Variants in SVOP observed in about 807,000 individuals in gnomAD.
SVOP encodes synaptic vesicle 2-related protein.
Under a neutral mutation model 69.1 loss-of-function variants are expected in SVOP, and 17 were observed. The observed-to-expected ratio is 0.25, with a 90% CI of 0.17 to 0.37. The LOEUF (loss-of-function observed/expected upper bound fraction) is 0.37. Among genes scored for constraint, SVOP ranks in the 10% least tolerant of loss-of-function variants. The probability of loss-of-function intolerance (pLI) is 1.00; values close to 1 mark genes in which losing one functional copy is unlikely to be tolerated. For missense variants in SVOP, 435 were observed against 597.5 expected (o/e 0.73, Z 2.84); for synonymous variants, 238 against 238.6 (o/e 1.00, Z 0.02).
intron 12 of SVOP, 118 bp downstream of exon 12, chr12:108,922,572 T>A: frequency 1.4e-6 from 1 of 716,626 alleles, no homozygotes. Flanking sequence ...AAAAACAAAG[T>A]CCCTCGCTGA....
In SVOP at chr12:108,951,181, T is replaced by C. The variant is rs148253687; in HGVS notation, c.579-6015A>G. 5.6e-3 allele frequency among the ~76,000 whole-genome samples: 856 copies of C among 152,320 alleles called. 12 individuals carry two copies. Among genetic ancestry groups the C allele is most frequent in the African/African-American group, 0.019 (809 of 41,576 alleles). On this transcript the variant is annotated intron_variant, in intron 6 of 15. Transcript: ENST00000610966. ...TTTGAAGATCATTCTGAGGCAGGTT[T>C]CAAGGTAGAACAGCTGGGCAGCTAC...
chr12:109,013,912 C>T (rs1423302457), intron 1 of SVOP, among the ~76,000 whole-genome samples: 2 of 152,090 alleles, frequency 1.3e-5, no homozygotes, highest in East Asian at 1.9e-4. Context: ...CTGCTCTAGG[C>T]ACCTCATATA....
intron 5 of SVOP, among the ~76,000 whole-genome samples, chr12:108,969,728 T>TTCC (rs1555251578): frequency 3.3e-5 from 5 of 151,582 alleles, no homozygotes; most frequent in African/African-American, 7.3e-5. Flanking sequence ...CCTTCCTTCC[T>TTCC]TCCTTCCTCT....
At chr12:108,923,581 T>C (rs1016082314) in intron 11 of SVOP, among the ~76,000 whole-genome samples, 5 of 152,008 alleles carry the variant, frequency 3.3e-5, no homozygotes, top group Admixed American at 3.3e-4. Flanking sequence ...CTAAGTTGTG[T>C]CCAGACTCCT....
intron 1 of SVOP, among the ~76,000 whole-genome samples, chr12:108,989,255 G>A (rs538970261): frequency 1.3e-4 from 20 of 152,210 alleles, no homozygotes; most frequent in African/African-American, 3.9e-4. Flanking sequence ...AGTTTGTTTC[G>A]TAGAGACAGG....
intron 14 of SVOP, 138 bp from the exon 15 acceptor site, chr12:108,916,010 G>T: frequency 1.3e-6 from 1 of 766,538 alleles, no homozygotes. Context: ...CGCCCTTAAG[G>T]GACAGGGATC....
rs987235827 is a variant in SVOP at position 108,965,067 on chromosome 12, T to C, written c.454-4020A>G. ...TATTCATCCATTCATGCATAAAATA[T>C]GCATATATTGAACACCTGCTGTTTG... On this transcript the variant is annotated intron_variant, in intron 5 of 15. Coordinates refer to ENST00000610966, the MANE Select transcript of SVOP (RefSeq NM_018711.5). 3.9e-5 allele frequency among the ~76,000 whole-genome samples: 6 copies of C among 152,338 alleles called. No homozygotes were observed. In the South Asian group the frequency reaches 1.0e-3, roughly 26 times the overall value.
intron 1 of SVOP, among the ~76,000 whole-genome samples, chr12:108,984,033 G>A (rs1338442929): frequency 6.6e-6 from 1 of 152,182 alleles, no homozygotes; most frequent in African/African-American, 2.4e-5. Flanking sequence ...TGTGATTGAG[G>A]ATATCTTTGT....
chr12:108,990,023 G>T (rs2040190962), intron 1 of SVOP, among the ~76,000 whole-genome samples: 1 of 152,220 alleles, frequency 6.6e-6, no homozygotes, highest in Non-Finnish European at 1.5e-5. Flanking sequence ...GGTTACAGCA[G>T]TTGCCCTAGG....
rs2039886913 is a variant in SVOP, at chr12:108,940,840, G to A, written c.712C>T (p.Arg238Cys). The A allele has an allele frequency of 2.6e-6, 4 of 1,537,204 alleles. No individual in the cohort carries two copies. Among genetic ancestry groups the A allele is most frequent in the Non-Finnish European group, 2.6e-6 (3 of 1,146,890 alleles). ...ACAGCTGAGAGGATGAGCAGCCAACGCCAGCCCAGGCTGGGCATCACGAAC... is the reference window on the plus strand; with the variant it reads ...ACAGCTGAGAGGATGAGCAGCCAACACCAGCCCAGGCTGGGCATCACGAAC... ...AVFVMPSLGWRWLLILSAVPL... is the reference protein window; with the variant it reads ...AVFVMPSLGWCWLLILSAVPL... The change falls in exon 8 of 16, where the codon CGT becomes TGT. Residue 238 changes from arginine (R) to cysteine (C), a missense_variant. By Grantham distance (180) the Arg-to-Cys change is radical. Coordinates refer to ENST00000610966, the MANE Select transcript of SVOP (RefSeq NM_018711.5).
At chr12:109,020,203 T>G (rs139779162) in intron 1 of SVOP, among the ~76,000 whole-genome samples, 2 of 152,294 alleles carry the variant, frequency 1.3e-5, no homozygotes, top group East Asian at 3.9e-4. Context: ...CAAAGCAGTA[T>G]ATTCCTGATG....
chr12:108,920,610 T>TC (rs1328856871), intron 12 of SVOP, among the ~76,000 whole-genome samples: 1 of 151,190 alleles, frequency 6.6e-6, no homozygotes, highest in African/African-American at 2.4e-5. Flanking sequence ...TTTTTTTTTT[T>TC]TTTGACAGAG....
intron 15 of SVOP, among the ~76,000 whole-genome samples, chr12:108,913,055 T>C (rs1384008655): frequency 6.6e-6 from 1 of 151,072 alleles, no homozygotes; most frequent in East Asian, 1.9e-4. Context: ...ATCTCAAGTA[T>C]TCTTTTTTTT....
Position 108,912,748 on chromosome 12 carries a change from G to C in SVOP, c.1441-7C>G, listed in dbSNP as rs376225861. On this transcript the variant is annotated splice_region_variant and splice_polypyrimidine_tract_variant and intron_variant, in intron 15 of 15. Transcript: ENST00000610966. ...CAGAGGATTCCAGCATCACCTAGGG[G>C]AAGGAGACACGGGTCGGTGAAAGCA... 4.4e-5 allele frequency: 71 copies of C among 1,612,746 alleles called. No individual in the cohort carries two copies. Among genetic ancestry groups the C allele is most frequent in the Non-Finnish European group, 5.9e-5 (69 of 1,179,374 alleles).
intron 2 of SVOP, among the ~76,000 whole-genome samples, chr12:108,979,519 G>A (rs931476086): frequency 3.9e-5 from 6 of 152,156 alleles, no homozygotes; most frequent in African/African-American, 7.2e-5. Flanking sequence ...TAGGATTACC[G>A]ATGTGAGCCA....
intron 1 of SVOP, among the ~76,000 whole-genome samples, chr12:109,001,892 G>A (rs1416945928): frequency 6.7e-6 from 1 of 149,374 alleles, no homozygotes; most frequent in Non-Finnish European, 1.5e-5. Context: ...TCAGGACATA[G>A]GCATGGGCAA....
intron 11 of SVOP, among the ~76,000 whole-genome samples, chr12:108,927,594 T>C (rs904206808): frequency 3.6e-5 from 2 of 55,970 alleles, no homozygotes; most frequent in South Asian, 1.0e-3. Context: ...TCTCTCTTTT[T>C]TTTTTTTTTT....
chr12:108,938,722 C>T, intron 9 of SVOP, 105 bp downstream of exon 9: 1 of 1,545,610 alleles, frequency 6.5e-7, no homozygotes. Flanking sequence ...CTTGGGTACA[C>T]ATACCCACAT....
chr12:109,018,008 G>A (rs573782593), intron 1 of SVOP, among the ~76,000 whole-genome samples: 39 of 152,110 alleles, frequency 2.6e-4, no homozygotes, highest in Non-Finnish European at 4.4e-4. Flanking sequence ...GCTCTAGATT[G>A]CGAGGTGCTT....
Sources: allele counts gnomAD v4.1 joint callset (sites outside exome capture counted in the v4.1 genomes callset), GRCh38; gene constraint gnomAD v4.1.1; transcripts MANE v1.5; gene names NCBI Gene and HGNC (gene_info 2026-07-23, HGNC 2026-07-21).